The following FGGY variants were observed in gnomAD, a reference collection of about 807,000 sequenced individuals.
FGGY encodes FGGY carbohydrate kinase domain-containing protein.
Under a neutral mutation model 71.3 loss-of-function variants are expected in FGGY, and 72 were observed. The observed-to-expected ratio is 1.01, with a 90% CI of 0.84 to 1.23. The LOEUF is 1.23. Ranked by LOEUF, FGGY falls within the 50% of genes most tolerant of loss-of-function variation. The pLI is 0.00. For missense variants in FGGY, 668 were observed against 682.3 expected, an observed-to-expected ratio of 0.98 and a Z score of 0.23; for synonymous variants, 251 against 250.3, an observed-to-expected ratio of 1.00 and a Z score of -0.02.
At chr1:59,656,571 A>G (rs75182017) in intron 11 of FGGY, among the ~76,000 whole-genome samples, 11,228 of 152,204 alleles carry the variant, frequency 0.074, 1,113 homozygotes, top group African/African-American at 0.23. Context: ...GGAAACAAGG[A>G]CCTCAGACCA....
intron 8 of FGGY, among the ~76,000 whole-genome samples, chr1:59,570,636 A>G (rs2095969213): frequency 1.3e-5 from 2 of 152,100 alleles, no homozygotes. Flanking sequence ...TGTGCAGACA[A>G]ACCCAGAAAC....
chr1:59,392,219 A>T (rs1404128380), intron 5 of FGGY, among the ~76,000 whole-genome samples: 22 of 152,300 alleles, frequency 1.4e-4, no homozygotes, highest in Admixed American at 1.4e-3. Flanking sequence ...ATACTTTCGG[A>T]ATATGTTATA....
chr1:59,502,938 T>G (rs2094272504), intron 6 of FGGY, among the ~76,000 whole-genome samples: 1 of 152,228 alleles, frequency 6.6e-6, no homozygotes, highest in Non-Finnish European at 1.5e-5. Context: ...CTTGTGGTTT[T>G]GTTCCTAGAC....
chr1:59,641,308 C>A (rs1289804705), intron 11 of FGGY: 1 of 1,608,596 alleles, frequency 6.2e-7, no homozygotes, highest in South Asian at 1.1e-5. Context: ...TATATTCCGG[C>A]TTTGGCAGCG....
intron 8 of FGGY, among the ~76,000 whole-genome samples, chr1:59,577,123 T>C (rs945016509): frequency 2.6e-5 from 4 of 152,196 alleles, no homozygotes; most frequent in Non-Finnish European, 5.9e-5. Context: ...TTTGCCGCCA[T>C]CCTTACCTCC....
intron 4 of FGGY, among the ~76,000 whole-genome samples, chr1:59,372,552 C>CT (rs1230032120): frequency 4.6e-5 from 7 of 152,194 alleles, no homozygotes; most frequent in Non-Finnish European, 1.0e-4. Context: ...CTCCCTAACT[C>CT]ATTTTATGAG....
intron 4 of FGGY, among the ~76,000 whole-genome samples, chr1:59,372,464 G>A (rs572378816): frequency 1.0e-3 from 155 of 152,202 alleles, no homozygotes; most frequent in African/African-American, 3.6e-3. Flanking sequence ...ATTCACAGCC[G>A]AATTCTACCA....
chr1:59,425,948 C>T (rs1220388003), intron 5 of FGGY, among the ~76,000 whole-genome samples: 11 of 152,034 alleles, frequency 7.2e-5, no homozygotes, highest in East Asian at 5.8e-4. Flanking sequence ...GTTCACAATT[C>T]ATATTTTTTT....
At chr1:59,615,338 T>C (rs868343350) in intron 9 of FGGY, among the ~76,000 whole-genome samples, 48 of 152,046 alleles carry the variant, frequency 3.2e-4, no homozygotes, top group African/African-American at 1.1e-3. Flanking sequence ...CCCTCAGAAA[T>C]AATGCCACAT....
At chr1:59,534,042 G>C (rs1245564989) in intron 7 of FGGY, among the ~76,000 whole-genome samples, 1 of 152,206 alleles carries the variant, frequency 6.6e-6, no homozygotes, top group African/African-American at 2.4e-5. Flanking sequence ...CGAGCTACGG[G>C]AGGACATTCA....
At position 59,378,856 on chromosome 1, in the gene FGGY, G is replaced by T; in HGVS notation, c.554+19G>T. The T allele has an allele frequency of 6.2e-7, 1 of 1,600,006 alleles. No individual in the cohort carries two copies. Among genetic ancestry groups the T allele is most frequent in the South Asian group, 1.1e-5 (1 of 90,422 alleles). ...CAGCACGGTATGTTAATTACAAGTT[G>T]GATTGTGTTTGCGTTCTTCCATTCT... On this transcript the variant is annotated intron_variant, in intron 5 of 15. Transcript: ENST00000303721.
At chr1:59,672,909 A>T (rs2097395166) in intron 13 of FGGY, among the ~76,000 whole-genome samples, 1 of 152,124 alleles carries the variant, frequency 6.6e-6, no homozygotes, top group East Asian at 1.9e-4. Context: ...CCTACCATGA[A>T]CCCTCAACCT....
At position 59,378,937 on chromosome 1, in the gene FGGY, G is replaced by T. The variant is rs904929218; in HGVS notation, c.554+100G>T. 5 of 968,388 alleles carry T rather than the reference G, an allele frequency of 5.2e-6. No homozygotes were observed. The South Asian group carries it at 7.4e-5, about 14-fold the overall frequency. 60.0% of individuals were successfully genotyped at this position (968,388 alleles called of 1,614,324 possible). A position where few individuals can be genotyped will look rare whatever the true frequency, so the allele number is the denominator to read the frequency against. The stretch of plus-strand genomic sequence containing the variant: ...CTCTCTTTGACTGGATATACTTTTG[G>T]TACATCTGCATGTGATTTTGCATAC... On this transcript the variant is annotated intron_variant, in intron 5 of 15. Coordinates refer to ENST00000303721, the MANE Select transcript of FGGY (RefSeq NM_018291.5).
At chr1:59,579,625 C>T (rs1259021324) in intron 8 of FGGY, among the ~76,000 whole-genome samples, 2 of 152,114 alleles carry the variant, frequency 1.3e-5, no homozygotes, top group African/African-American at 2.4e-5. Flanking sequence ...CCAGTAAATG[C>T]TGTCAGTTCT....
At chr1:59,345,132 T>A (rs1242197864) in intron 3 of FGGY, among the ~76,000 whole-genome samples, 1 of 152,196 alleles carries the variant, frequency 6.6e-6, no homozygotes, top group South Asian at 2.1e-4. Flanking sequence ...TTAAATGTGA[T>A]GATATGTGTA....
chr1:59,641,187 T>A lies in FGGY; in HGVS notation c.1221+2812T>A, dbSNP rs374055761. 1.7e-5 allele frequency: 14 copies of A among 837,072 alleles called. 2 individuals are homozygous for A. In the African/African-American group the frequency reaches 2.3e-4, roughly 14 times the overall value. The allele number at this position is 837,072 out of a possible 1,614,324, so 51.9% of individuals were successfully genotyped here. A position where few individuals can be genotyped will look rare whatever the true frequency, so the allele number is the denominator to read the frequency against. ...AGCATGGCATGTGAATGTCTACAAT[T>A]TTGGCTCCTTGTATCATTGTCTAAC... is the stretch of plus-strand genomic sequence containing the variant. On this transcript the variant is annotated intron_variant, in intron 11 of 15. Transcript: ENST00000303721.
At chr1:59,583,686 G>T (rs1261477586) in intron 8 of FGGY, among the ~76,000 whole-genome samples, 1 of 142,320 alleles carries the variant, frequency 7.0e-6, no homozygotes, top group Non-Finnish European at 1.5e-5. Flanking sequence ...ACCCCTCCTG[G>T]GTATTGGTGC....
At chr1:59,311,382 C>T (rs2044291416) in intron 1 of FGGY, among the ~76,000 whole-genome samples, 3 of 151,508 alleles carry the variant, frequency 2.0e-5, no homozygotes, top group Admixed American at 2.0e-4. Context: ...CCTCTAAGTT[C>T]CCTCCCCTCG....
chr1:59,423,427 A>G (rs879826860), intron 5 of FGGY, among the ~76,000 whole-genome samples: 1 of 152,116 alleles, frequency 6.6e-6, no homozygotes, highest in Admixed American at 6.6e-5. Context: ...GTGAAGATCA[A>G]TATGTTGGAT....
Sources: allele counts gnomAD v4.1 joint callset (sites outside exome capture counted in the v4.1 genomes callset), GRCh38; gene constraint gnomAD v4.1.1; transcripts MANE v1.5; gene names NCBI Gene and HGNC (gene_info 2026-07-23, HGNC 2026-07-21).